The following TDRD12 variants were observed in gnomAD, a reference collection of about 807,000 sequenced individuals.
TDRD12 encodes putative ATP-dependent RNA helicase TDRD12.
A neutral mutation model predicts 133.5 loss-of-function variants in TDRD12; 158 were observed. The observed-to-expected ratio is 1.18, with a 90% confidence interval of 1.04 to 1.35. The LOEUF (loss-of-function observed/expected upper bound fraction) is 1.35. Among genes scored for constraint, TDRD12 ranks in the 40% most tolerant of loss-of-function variants. TDRD12 has a pLI of 0.00. For missense variants in TDRD12, 1,443 were observed against 1,321.3 expected, an observed-to-expected ratio of 1.09 and a Z score of -1.43; for synonymous variants, 460 against 477.9, an observed-to-expected ratio of 0.96 and a Z score of 0.49.
At chr19:32,751,133 G>A (rs1281761660) in intron 6 of TDRD12, among the ~76,000 whole-genome samples, 1 of 130,192 alleles carries the variant, frequency 7.7e-6, no homozygotes, top group African/African-American at 3.0e-5. Flanking sequence ...AGGCCCCAGT[G>A]TGTGTTGTTT....
intron 1 of TDRD12, among the ~76,000 whole-genome samples, chr19:32,725,071 G>A (rs1009174496): frequency 6.6e-6 from 1 of 151,802 alleles, no homozygotes; most frequent in Non-Finnish European, 1.5e-5. Context: ...TTTTTTTCTT[G>A]TAAATTTGTT....
chr19:32,802,672 C>T lies in TDRD12; in HGVS notation c.2214C>T (p.Cys738=), dbSNP rs1477606504. Residue 738 remains cysteine, a synonymous_variant, in exon 20 of 28, where the codon TGC becomes TGT. Transcript: ENST00000444215. ...TCTCTGCAGCCCTCACAGACGACTG[C>T]GTCCCACTCTTGGCCATCACCGATG... 14 of 1,536,184 alleles carry T rather than the reference C, an allele frequency of 9.1e-6. No homozygotes were observed. The Admixed American group carries it at 1.6e-4, about 17-fold the overall frequency.
chr19:32,748,175 C>A (rs1969710984), intron 4 of TDRD12, among the ~76,000 whole-genome samples: 2 of 152,072 alleles, frequency 1.3e-5, no homozygotes. Flanking sequence ...GTTGAGGAGA[C>A]TGATTTGTCT....
intron 1 of TDRD12, among the ~76,000 whole-genome samples, chr19:32,725,630 G>A (rs1186746262): frequency 6.6e-6 from 1 of 152,158 alleles, no homozygotes; most frequent in Non-Finnish European, 1.5e-5. Flanking sequence ...TTGTAGTATA[G>A]TTTGAAGTTG....
intron 7 of TDRD12, 133 bp from the exon 8 acceptor site, chr19:32,756,905 C>T: frequency 1.5e-6 from 1 of 674,418 alleles, no homozygotes; most frequent in Admixed American, 2.6e-5. Context: ...AGTCCCCTCA[C>T]CTTGTGTCCC....
At chr19:32,821,455 C>T (rs1967393492), downstream of TDRD12, among the ~76,000 whole-genome samples, 1 of 151,776 alleles carries the variant, frequency 6.6e-6, no homozygotes, top group African/African-American at 2.4e-5. Context: ...TTTCCAGGAC[C>T]CCAGCAGTCT....
At chr19:32,744,676 C>G (rs139798548) in intron 4 of TDRD12, among the ~76,000 whole-genome samples, 1 of 152,204 alleles carries the variant, frequency 6.6e-6, no homozygotes, top group Non-Finnish European at 1.5e-5. Context: ...GGGCAGTTCC[C>G]TCTCGGGTGC....
chr19:32,762,158 A>G (rs1970169259), intron 8 of TDRD12, among the ~76,000 whole-genome samples: 1 of 152,122 alleles, frequency 6.6e-6, no homozygotes, highest in African/African-American at 2.4e-5. Context: ...TCTCTTGACA[A>G]TATCTTTCAC....
At chr19:32,811,189 C>T (rs1410394666) in intron 23 of TDRD12, 21 bp from the exon 24 acceptor site, 7 of 1,518,990 alleles carry the variant, frequency 4.6e-6, no homozygotes, top group Admixed American at 3.9e-5. Context: ...TGCGTTGAAC[C>T]GATGCCCCAT....
chr19:32,815,974 C>T (rs543026728), intron 26 of TDRD12, among the ~76,000 whole-genome samples: 2 of 150,702 alleles, frequency 1.3e-5, no homozygotes, highest in African/African-American at 2.4e-5. Flanking sequence ...AGCCTGGCGA[C>T]AGAGTGAGAC....
At chr19:32,739,131 G>C in intron 3 of TDRD12, 139 bp downstream of exon 3, 1 of 1,085,936 alleles carries the variant, frequency 9.2e-7, no homozygotes, top group South Asian at 1.6e-5. Context: ...GCTTCCAGAA[G>C]GGGTGCTTTC....
chr19:32,744,511 A>C (rs1376068314), intron 4 of TDRD12, among the ~76,000 whole-genome samples: 42 of 147,808 alleles, frequency 2.8e-4, no homozygotes, highest in East Asian at 4.8e-4. Context: ...AAAAAAAAAA[A>C]AAAAAAAAAA....
intron 26 of TDRD12, among the ~76,000 whole-genome samples, chr19:32,816,401 A>T (rs6510295): frequency 0.59 from 89,693 of 151,988 alleles, 27,347 homozygotes; most frequent in East Asian, 0.83. Flanking sequence ...TTTGTTTGAA[A>T]GGAATTAGAC....
chr19:32,737,466 A>T (rs916991661), intron 2 of TDRD12, among the ~76,000 whole-genome samples: 2 of 152,058 alleles, frequency 1.3e-5, no homozygotes, highest in Non-Finnish European at 2.9e-5. Flanking sequence ...CGACCTCCCA[A>T]AGTGCTGGGA....
Position 32,803,106 on chromosome 19 carries a change from C to T in TDRD12, c.2516C>T (p.Pro839Leu), listed in dbSNP as rs749968987. 56 of 1,533,404 alleles carry T rather than the reference C, an allele frequency of 3.7e-5. 1 individual carries two copies. The South Asian group carries it at 6.7e-4, about 18-fold the overall frequency. 95.0% of individuals were successfully genotyped at this position (1,533,404 alleles called of 1,614,324 possible). A position where few individuals can be genotyped will look rare whatever the true frequency, so the allele number is the denominator to read the frequency against. ...AAAGAAGATAAGAAAGCCGGAAGGC[C>T]TCTTTGTCCATATCTGAAGGCTTTT... Residue 839 changes from proline (P) to leucine (L), a missense_variant, in exon 21 of 28, where the codon CCT (proline) becomes CTT (leucine). Coordinates refer to ENST00000444215, the Ensembl canonical transcript of TDRD12.
intron 1 of TDRD12, among the ~76,000 whole-genome samples, chr19:32,728,899 G>C (rs772932213): frequency 6.7e-6 from 1 of 149,634 alleles, no homozygotes; most frequent in Non-Finnish European, 1.5e-5. Context: ...CGCCCGTCTC[G>C]GCCTCCCAAA....
At chr19:32,759,596 G>A (rs1295077507) in intron 8 of TDRD12, among the ~76,000 whole-genome samples, 1 of 152,080 alleles carries the variant, frequency 6.6e-6, no homozygotes, top group Non-Finnish European at 1.5e-5. Context: ...TCCAGCCTGG[G>A]CGAGTGAGAC....
At chr19:32,728,299 T>C (rs939704067) in intron 1 of TDRD12, among the ~76,000 whole-genome samples, 1 of 152,210 alleles carries the variant, frequency 6.6e-6, no homozygotes, top group African/African-American at 2.4e-5. Flanking sequence ...TGAAAAAATA[T>C]CATTGTGGAT....
intron 8 of TDRD12, among the ~76,000 whole-genome samples, chr19:32,761,372 C>T (rs10409239): frequency 0.051 from 7,750 of 152,138 alleles, 348 homozygotes; most frequent in South Asian, 0.12. Flanking sequence ...CCTCGTGATC[C>T]GCCCGCCTCG....
Sources: gnomAD v4.1 joint callset for allele counts (sites outside exome capture counted in the v4.1 genomes callset) on GRCh38, gnomAD v4.1.1 for gene constraint, MANE v1.5 for transcripts, NCBI Gene and HGNC (gene_info 2026-07-23, HGNC 2026-07-21) for gene names.